Variants in SH3TC1 observed in about 807,000 individuals in gnomAD.
SH3TC1 encodes SH3 domain and tetratricopeptide repeats 1.
In SH3TC1, 135 loss-of-function variants were observed where a neutral mutation model predicts 117.3. The ratio of observed to expected loss-of-function variants is 1.15; its 90% confidence interval spans 1.00 to 1.33. The LOEUF (loss-of-function observed/expected upper bound fraction) is 1.33. SH3TC1 is among the 40% of genes most tolerant of loss of function. SH3TC1 has a pLI of 0.00. For missense variants in SH3TC1, 2,092 were observed against 1,794.3 expected, an observed-to-expected ratio of 1.17 and a Z score of -3.00; for synonymous variants, 898 against 816.9, an observed-to-expected ratio of 1.10 and a Z score of -1.69.
intron 1 of SH3TC1, among the ~76,000 whole-genome samples, chr4:8,203,768 C>G (rs1035275000): frequency 6.6e-6 from 1 of 152,062 alleles, no homozygotes; most frequent in African/African-American, 2.4e-5. Context: ...TGCCTCTCTG[C>G]CCTTCCCAGG....
intron 1 of SH3TC1, among the ~76,000 whole-genome samples, chr4:8,201,132 G>T (rs1206714701): frequency 6.6e-6 from 1 of 152,144 alleles, no homozygotes; most frequent in Admixed American, 6.5e-5. Context: ...AGAAGTATTT[G>T]TTCCGTAAGA....
rs112785929 is a variant in SH3TC1, at chr4:8,203,277, CGT to C, written c.-28-1870_-28-1869del. On this transcript the variant is annotated intron_variant, in intron 1 of 17. Transcript: ENST00000245105. Reference sequence around the variant, plus strand: ...CTTTGGTCTGACAGGTGTGCGGGTGCGTGTGTGTGTGTGTGTGTGTGCTTGCA... The same window carrying C: ...CTTTGGTCTGACAGGTGTGCGGGTGCGTGTGTGTGTGTGTGTGTGCTTGCA... Among the ~76,000 whole-genome samples the C allele has an allele frequency of 7.2e-3, 1,076 of 149,938 alleles. 8 individuals are homozygous for C. The highest frequency in any genetic ancestry group is 0.024 in the African/African-American group (987 of 40,956).
intron 6 of SH3TC1, 45 bp from the exon 7 acceptor site, chr4:8,216,912 C>T (rs759163561): frequency 1.2e-5 from 19 of 1,592,842 alleles, no homozygotes; most frequent in African/African-American, 4.0e-5. Context: ...GCCACAGCTG[C>T]GCCCAGTCCG....
At chr4:8,215,143 C>A in intron 5 of SH3TC1, 1 of 456,306 alleles carries the variant, frequency 2.2e-6, no homozygotes, top group South Asian at 1.5e-5. Context: ...TGCCTTCACA[C>A]TCTGCCCTCT....
rs892896119 is a variant in SH3TC1 at position 8,210,405 on chromosome 4, T to C, written c.247+583T>C. Among the ~76,000 whole-genome samples the C allele has an allele frequency of 6.6e-6, 1 of 152,242 alleles. No individual in the cohort carries two copies. Among genetic ancestry groups the C allele is most frequent in the Non-Finnish European group, 1.5e-5 (1 of 68,044 alleles). ...GCCCGACTGTCCTTTGACTTTCCTT[T>C]TGTGTGGTCAGCACTGCTGGTGGCC... On this transcript the variant is annotated intron_variant, in intron 3 of 17. Transcript: ENST00000245105. This position sits in a 1 kb window ranked among gnomAD's most constrained non-coding sequence, Gnocchi z 4.1.
At chr4:8,196,303 C>T (rs773457835), upstream of SH3TC1, among the ~76,000 whole-genome samples, 2 of 152,100 alleles carry the variant, frequency 1.3e-5, no homozygotes, top group Non-Finnish European at 2.9e-5. The surrounding 1 kb of genome is among the most constrained non-coding windows in gnomAD (Gnocchi z 4.6). Context: ...ACCCGAGGCA[C>T]GAATGTGACC....
intron 1 of SH3TC1, among the ~76,000 whole-genome samples, chr4:8,189,617 G>C (rs1025009672): frequency 6.6e-6 from 1 of 152,198 alleles, no homozygotes; most frequent in Non-Finnish European, 1.5e-5. Context: ...GGGAAAGAGA[G>C]GGGTCATGCG....
In SH3TC1 at chr4:8,217,134, C is replaced by T. The variant is rs775505437; in HGVS notation, c.806C>T (p.Ala269Val). The T allele has an allele frequency of 8.1e-6, 13 of 1,612,172 alleles. No homozygotes were observed. Among genetic ancestry groups the T allele is most frequent in the East Asian group, 6.7e-5 (3 of 44,856 alleles). The change falls in exon 7 of 18, where the codon GCG (alanine) becomes GTG (valine). Residue 269 changes from alanine (A) to valine (V), a missense_variant. Ala to Val is a moderately conservative substitution (Grantham distance 64). Coordinates refer to ENST00000245105, the MANE Select transcript of SH3TC1 (RefSeq NM_018986.5). ...GTGTCCTCCGAGGAGGTGGCAGTGGCGGCCGCCCCGGAGCCTTTGATTCCA... is the reference window on the plus strand; with the variant it reads ...GTGTCCTCCGAGGAGGTGGCAGTGGTGGCCGCCCCGGAGCCTTTGATTCCA... ...PSVSSEEVAVAAAPEPLIPFH... is the reference protein window; with the variant it reads ...PSVSSEEVAVVAAPEPLIPFH...
In SH3TC1 at chr4:8,228,220, G is replaced by A. The variant is rs150084789; in HGVS notation, c.2526G>A (p.Pro842=). Residue 842 remains proline, a synonymous_variant, in exon 12 of 18, where the codon CCG becomes CCA. Transcript: ENST00000245105. Reference sequence around the variant, plus strand: ...TGCACGTGCTTCATGGGCAGAGCCCGGTGGCCCTGGACATCCTGCAGTCTG... The same window carrying A: ...TGCACGTGCTTCATGGGCAGAGCCCAGTGGCCCTGGACATCCTGCAGTCTG... ...AWLHVLHGQS[P]VALDILQSVR... 2.8e-3 allele frequency: 4,510 copies of A among 1,608,750 alleles called. 7 individuals are homozygous for A. Among genetic ancestry groups the A allele is most frequent in the Non-Finnish European group, 3.5e-3 (4,124 of 1,177,134 alleles).
Position 8,216,149 on chromosome 4 carries a change from C to T in SH3TC1, c.520C>T (p.Gln174Ter). The T allele has an allele frequency of 1.2e-6, 2 of 1,613,748 alleles. No individual in the cohort carries two copies. Among genetic ancestry groups the T allele is most frequent in the Non-Finnish European group, 1.7e-6 (2 of 1,180,018 alleles). ...CTGCCTGGCAAACCTGCTCATGGAC[C>T]AGGCCTTCTGGCTGCTCTTGCCCAG... ...HHCLANLLMDQAFWLLLPSEE... is the reference protein window; with the variant it reads ...HHCLANLLMD Residue 174 changes from glutamine to a stop codon, truncating the protein, a stop_gained, in exon 6 of 18, where the codon CAG (glutamine) becomes TAG (stop). Coordinates refer to ENST00000245105, the MANE Select transcript of SH3TC1 (RefSeq NM_018986.5). LOFTEE classifies it high-confidence loss of function.
In SH3TC1 at chr4:8,227,075, C is replaced by T. The variant is rs1353766973; in HGVS notation, c.1381C>T (p.Gln461Ter). The change falls in exon 12 of 18, where the codon CAG becomes TAG. Residue 461 changes from glutamine to a stop codon, truncating the protein, a stop_gained. Coordinates refer to ENST00000245105, the MANE Select transcript of SH3TC1 (RefSeq NM_018986.5). LOFTEE classifies it high-confidence loss of function. ...EQCKTCPGCP[Q>*]EPASWGLCAA... ...ATGCAAGACCTGCCCAGGCTGCCCC[C>T]AGGAGCCAGCGTCCTGGGGTCTCTG... The T allele has an allele frequency of 6.2e-7, 1 of 1,610,940 alleles. No individual in the cohort carries two copies. The highest frequency in any genetic ancestry group is 8.5e-7 in the Non-Finnish European group (1 of 1,178,694).
At chr4:8,238,405 T>C (rs996908986) in intron 17 of SH3TC1, among the ~76,000 whole-genome samples, 8 of 152,152 alleles carry the variant, frequency 5.3e-5, no homozygotes, top group Admixed American at 4.6e-4. Flanking sequence ...GGATCTGGGA[T>C]GTCCCCACCC....
At position 8,190,344 on chromosome 4, in the gene SH3TC1, GTCAGGATCAACCCCCA is replaced by G. The variant is rs944200891; in HGVS notation, c.-57+8138_-57+8153del. Among the ~76,000 whole-genome samples, 1 of 152,204 alleles carries G rather than the reference GTCAGGATCAACCCCCA, an allele frequency of 6.6e-6. No homozygotes were observed. The highest frequency in any genetic ancestry group is 1.5e-5 in the Non-Finnish European group (1 of 68,034). On this transcript the variant is annotated intron_variant, in intron 1 of 16. Transcript: ENST00000508641. The surrounding 1 kb of genome is among the most constrained non-coding windows in gnomAD (Gnocchi z 4.7). ...TGGGTTAATGACTGTGTAAGCCAAG[GTCAGGATCAACCCCCA>G]TCACTGGGCTCTGCAGAATGCCAAA... is the stretch of plus-strand genomic sequence containing the variant.
intron 1 of SH3TC1, among the ~76,000 whole-genome samples, chr4:8,203,703 A>G (rs537534334): frequency 6.6e-6 from 1 of 152,238 alleles, no homozygotes; most frequent in South Asian, 2.1e-4. Flanking sequence ...ACACTGGGAC[A>G]GACTTTGTGG....
At chr4:8,231,949 A>G in intron 12 of SH3TC1, 27 bp from the exon 13 acceptor site, 1 of 1,606,382 alleles carries the variant, frequency 6.2e-7, no homozygotes, top group Non-Finnish European at 8.5e-7. Context: ...TGGGAGGCTG[A>G]CGTCTTCCTT....
At chr4:8,194,435 C>T (rs1717501727), upstream of SH3TC1, among the ~76,000 whole-genome samples, 1 of 152,210 alleles carries the variant, frequency 6.6e-6, no homozygotes, top group African/African-American at 2.4e-5. Context: ...ACCTTGTCTG[C>T]CCAGACTCCT....
rs1721283204 is a variant in SH3TC1, at chr4:8,232,139, G to A, written c.3114G>A (p.Leu1038=). Residue 1038 remains leucine, a synonymous_variant, in exon 13 of 18, where the codon CTG becomes CTA. Transcript: ENST00000245105. The part of the protein sequence containing the change: ...QLLETISQLY[L]SLGTERAYKS... ...TGGAGACCATCAGCCAGCTCTACCTGTCCCTGGGCACCGAGCGGTGAGGGC... is the reference window on the plus strand; with the variant it reads ...TGGAGACCATCAGCCAGCTCTACCTATCCCTGGGCACCGAGCGGTGAGGGC... 2.9e-6 allele frequency: 4 copies of A among 1,378,678 alleles called. No homozygotes were observed. Among genetic ancestry groups the A allele is most frequent in the Middle Eastern group, 2.1e-4 (1 of 4,868 alleles). 85.4% of individuals were successfully genotyped at this position (1,378,678 alleles called of 1,614,324 possible). A position where few individuals can be genotyped will look rare whatever the true frequency, so the allele number is the denominator to read the frequency against.
Position 8,190,502 on chromosome 4 carries a change from G to T in SH3TC1, c.-57+8292G>T, listed in dbSNP as rs1237627333. ...GTAAGCTGGGATCTGATGTCCCCGG[G>T]CTCTTGGGAGAATGGCAGCCTTGCA... On this transcript the variant is annotated intron_variant, in intron 1 of 16. Coordinates refer to the SH3TC1 transcript ENST00000508641. The surrounding 1 kb of genome is among the most constrained non-coding windows in gnomAD (Gnocchi z 4.7). Among the ~76,000 whole-genome samples, 6 of 152,172 alleles carry T rather than the reference G, an allele frequency of 3.9e-5. No individual in the cohort carries two copies. The highest frequency in any genetic ancestry group is 7.4e-5 in the Non-Finnish European group (5 of 68,026).
In SH3TC1 at chr4:8,227,798, G is replaced by A. The variant is rs1284173469; in HGVS notation, c.2104G>A (p.Glu702Lys). ...LLLHRDSGAP[E>K]AAWLSDCYLL... ...TTTGCACAGGGACTCGGGAGCCCCA[G>A]AGGCCGCGTGGCTCTCAGACTGCTA... The change falls in exon 12 of 18, where the codon GAG (glutamate) becomes AAG (lysine). Residue 702 changes from glutamate to lysine, a missense_variant. Coordinates refer to ENST00000245105, the MANE Select transcript of SH3TC1 (RefSeq NM_018986.5). 6.2e-7 allele frequency: 1 copy of A among 1,612,784 alleles called. No individual in the cohort carries two copies. The highest frequency in any genetic ancestry group is 1.6e-4 in the Middle Eastern group (1 of 6,062).
Sources: allele counts gnomAD v4.1 joint callset (sites outside exome capture counted in the v4.1 genomes callset), GRCh38; gene constraint gnomAD v4.1.1; non-coding constraint Gnocchi (gnomAD v3.1); transcripts MANE v1.5; gene names NCBI Gene and HGNC (gene_info 2026-07-23, HGNC 2026-07-21).